Variants in STT3A observed in about 807,000 individuals in gnomAD.
The protein encoded by STT3A is STT3 oligosaccharyltransferase complex catalytic subunit A, also known as dolichyl-diphosphooligosaccharide--protein glycosyltransferase subunit STT3A.
In STT3A, 34 loss-of-function variants were observed where a neutral mutation model predicts 89.2. The observed-to-expected ratio is 0.38, with a 90% confidence interval of 0.29 to 0.51. The LOEUF (loss-of-function observed/expected upper bound fraction) is 0.51, where lower values mean the gene tolerates loss of function less well. Ranked by LOEUF, STT3A falls within the 20% of genes least tolerant of loss-of-function variation. The pLI is 0.89. For missense variants in STT3A, 555 were observed against 889.5 expected, an observed-to-expected ratio of 0.62 and a Z score of 4.78; for synonymous variants, 282 against 310.3, an observed-to-expected ratio of 0.91 and a Z score of 0.96.
At position 125,602,918 on chromosome 11, in the gene STT3A, C is replaced by T. The variant is rs758111535; in HGVS notation, c.387C>T (p.Ile129=). 26 of 1,614,132 alleles carry T rather than the reference C, an allele frequency of 1.6e-5. No homozygotes were observed. Among genetic ancestry groups the T allele is most frequent in the African/African-American group, 6.7e-5 (5 of 75,026 alleles). The change falls in exon 5 of 18, where the codon ATC becomes ATT. Residue 129 remains isoleucine (I), a synonymous_variant. Coordinates refer to ENST00000392708, the MANE Select transcript of STT3A (RefSeq NM_152713.5). ...LAPLFSSFTT[I]VTYHLTKELK... ...CTCTCTTCTCCTCCTTCACCACCAT[C>T]GTCACGTACCACCTTACCAAAGAGC...
chr11:125,612,907 T>TAG (rs1940069546), intron 12 of STT3A, 82 bp from the exon 13 acceptor site: 13 of 1,542,904 alleles, frequency 8.4e-6, no homozygotes, highest in Non-Finnish European at 1.1e-5. Flanking sequence ...ATCTCATCTA[T>TAG]ATGAATGTGT....
chr11:125,614,350 C>G lies in STT3A; in HGVS notation c.1698C>G (p.Ala566=). Residue 566 remains alanine, a synonymous_variant, in exon 15 of 18, where the codon GCC becomes GCG. Coordinates refer to ENST00000392708, the MANE Select transcript of STT3A (RefSeq NM_152713.5). The surrounding 1 kb of genome is among the most constrained non-coding windows in gnomAD (Gnocchi z 4.9). ...CAATGGCGTCCACAGAGGAAAAAGC[C>G]TATGAGATCATGAGGGAGCTCGATG... The part of the protein sequence containing the change: ...GQAMASTEEK[A]YEIMRELDVS... The G allele has an allele frequency of 6.2e-7, 1 of 1,614,074 alleles. No homozygotes were observed. Among genetic ancestry groups the G allele is most frequent in the Non-Finnish European group, 8.5e-7 (1 of 1,180,012 alleles).
intron 1 of STT3A, chr11:125,595,164 CT>C (rs397940239): frequency 2.2e-3 from 308 of 139,732 alleles, no homozygotes; most frequent in East Asian, 3.7e-3. Flanking sequence ...TTCACTTCTT[CT>C]TTTTTTTTTT....
Position 125,618,444 on chromosome 11 carries a change from G to A in STT3A, c.1846G>A (p.Asp616Asn), listed in dbSNP as rs1005224861. ...TDTGKHIKENDYYTPTGEFRV... is the reference protein window; with the variant it reads ...TDTGKHIKENNYYTPTGEFRV... ...TACAGGCAAACATATCAAGGAGAAT[G>A]ACTATTATACTCCAACTGGGGAGTT... Residue 616 changes from aspartate to asparagine, a missense_variant, in exon 16 of 18, where the codon GAC becomes AAC. Physicochemically the swap from Asp to Asn is conservative, Grantham distance 23. Around this residue, in one of 5 missense-constraint regions of STT3A, gnomAD observed 273 missense variants for 449.8 expected, o/e 0.61. Transcript: ENST00000392708. 1.9e-6 allele frequency: 3 copies of A among 1,613,736 alleles called. No homozygotes were observed. The Admixed American group carries it at 5.0e-5, about 27-fold the overall frequency.
intron 3 of STT3A, among the ~76,000 whole-genome samples, chr11:125,597,948 T>C (rs924119870): frequency 9.9e-5 from 15 of 152,198 alleles, no homozygotes; most frequent in African/African-American, 3.6e-4. Flanking sequence ...GCACGGTGGC[T>C]CACGCCTGTA....
chr11:125,607,196 A>AT (rs1939865565), intron 8 of STT3A, among the ~76,000 whole-genome samples: 1 of 152,156 alleles, frequency 6.6e-6, no homozygotes, highest in Non-Finnish European at 1.5e-5. Context: ...GTGCTAGATG[A>AT]TTTTGCCCAA....
In STT3A at chr11:125,613,782, A is replaced by G; in HGVS notation, c.1555-305A>G. On this transcript the variant is annotated intron_variant, in intron 13 of 17. Coordinates refer to ENST00000392708, the MANE Select transcript of STT3A (RefSeq NM_152713.5). The surrounding 1 kb of genome is among the most constrained non-coding windows in gnomAD (Gnocchi z 4.2). Reference sequence around the variant, plus strand: ...TTTAAGAAAATTGTCTAATGACACTAGGCTATTGATGTGGCTACATTGCAC... The same window carrying G: ...TTTAAGAAAATTGTCTAATGACACTGGGCTATTGATGTGGCTACATTGCAC... 3.9e-6 allele frequency: 1 copy of G among 257,698 alleles called. No homozygotes were observed. The highest frequency in any genetic ancestry group is 7.4e-6 in the Non-Finnish European group (1 of 134,686). 16.0% of individuals were successfully genotyped at this position (257,698 alleles called of 1,614,324 possible).
intron 15 of STT3A, among the ~76,000 whole-genome samples, chr11:125,616,521 C>T (rs1256359504): frequency 1.3e-5 from 2 of 152,084 alleles, no homozygotes; most frequent in South Asian, 2.1e-4. Context: ...ATTTATTTTT[C>T]AAGGTCAAAT....
At chr11:125,602,018 C>T (rs1939697148) in intron 3 of STT3A, among the ~76,000 whole-genome samples, 1 of 152,050 alleles carries the variant, frequency 6.6e-6, no homozygotes. Context: ...AGGCCAGTCT[C>T]GAACTCCTGA....
chr11:125,613,128 T>C lies in STT3A; in HGVS notation c.1505T>C (p.Phe502Ser). The change falls in exon 13 of 18, where the codon TTT becomes TCT. Residue 502 changes from phenylalanine to serine, a missense_variant. By Grantham distance (155) the Phe-to-Ser change is radical. Around this residue, in one of 5 missense-constraint regions of STT3A, gnomAD observed 273 missense variants for 449.8 expected, o/e 0.61. Coordinates refer to ENST00000392708, the MANE Select transcript of STT3A (RefSeq NM_152713.5). This position sits in a 1 kb window ranked among gnomAD's most constrained non-coding sequence, Gnocchi z 4.2. ...ARGGDGSRII[F>S]DDFREAYYWL... ...GGTGGGGATGGCAGTAGGATCATAT[T>C]TGATGACTTCCGAGAAGCATATTAT... The C allele has an allele frequency of 3.7e-6, 6 of 1,614,192 alleles. No homozygotes were observed. Among genetic ancestry groups the C allele is most frequent in the East Asian group, 2.2e-5 (1 of 44,876 alleles).
chr11:125,600,057 TA>T (rs1939625384), intron 3 of STT3A, among the ~76,000 whole-genome samples: 1 of 149,326 alleles, frequency 6.7e-6, no homozygotes, highest in Non-Finnish European at 1.5e-5. Flanking sequence ...TTATTATTAT[TA>T]ATTTTTTTTG....
intron 8 of STT3A, among the ~76,000 whole-genome samples, 196 bp from the exon 9 acceptor site, chr11:125,607,912 TG>T (rs1027445222): frequency 2.0e-5 from 3 of 152,214 alleles, no homozygotes; most frequent in African/African-American, 7.2e-5. Flanking sequence ...GTGTATCTTA[TG>T]CTTTAGGGGG....
Position 125,614,525 on chromosome 11 carries a change from A to C in STT3A, c.1774+99A>C, listed in dbSNP as rs895340174. ...GTACTTTTACTAATATTTTACTAAG[A>C]TATTTTTCTTTCATGGGAAGTTCCT... On this transcript the variant is annotated intron_variant, in intron 15 of 17. Transcript: ENST00000392708. The surrounding 1 kb of genome is among the most constrained non-coding windows in gnomAD (Gnocchi z 4.9). 8.2e-7 allele frequency: 1 copy of C among 1,220,900 alleles called. No individual in the cohort carries two copies. Among genetic ancestry groups the C allele is most frequent in the African/African-American group, 1.5e-5 (1 of 65,146 alleles). The allele number at this position is 1,220,900 out of a possible 1,614,324, so 75.6% of individuals were successfully genotyped here.
chr11:125,607,208 T>G (rs1201333912), intron 8 of STT3A, among the ~76,000 whole-genome samples: 1 of 152,250 alleles, frequency 6.6e-6, no homozygotes, highest in Non-Finnish European at 1.5e-5. Flanking sequence ...TTTGCCCAAC[T>G]GTAGGCTAAT....
intron 8 of STT3A, 94 bp downstream of exon 8, chr11:125,606,559 G>T: frequency 7.3e-7 from 1 of 1,367,048 alleles, no homozygotes; most frequent in South Asian, 1.5e-5. Flanking sequence ...AGAAGAGTAC[G>T]ACTTATTCAC....
At chr11:125,597,573 T>C (rs1255558536) in intron 3 of STT3A, among the ~76,000 whole-genome samples, 1 of 152,184 alleles carries the variant, frequency 6.6e-6, no homozygotes, top group South Asian at 2.1e-4. Context: ...AAGTTTGTGA[T>C]GCAGATTGAA....
chr11:125,608,075 C>A (rs752923948), intron 8 of STT3A, 34 bp from the exon 9 acceptor site: 5 of 1,537,458 alleles, frequency 3.3e-6, no homozygotes, highest in Non-Finnish European at 4.4e-6. Context: ...ATTTTTTTTC[C>A]TTAGTATTAA....
chr11:125,617,389 A>G (rs1264109267), intron 15 of STT3A, among the ~76,000 whole-genome samples: 1 of 152,214 alleles, frequency 6.6e-6, no homozygotes, highest in African/African-American at 2.4e-5. Context: ...CAGTGCTGGA[A>G]TTCAAACTTA....
At position 125,620,876 on chromosome 11, in the gene STT3A, T is replaced by TG; in HGVS notation, c.*66_*67insG. 2 of 1,416,156 alleles carry TG rather than the reference T, an allele frequency of 1.4e-6. No homozygotes were observed. 87.7% of individuals were successfully genotyped at this position (1,416,156 alleles called of 1,614,324 possible). A position where few individuals can be genotyped will look rare whatever the true frequency, so the allele number is the denominator to read the frequency against. ...CACATTTAGGACGTTGAAGATTTTTTTTTTTTTTTTTTTTTAATATGCAGT... is the reference window on the plus strand; with the variant it reads ...CACATTTAGGACGTTGAAGATTTTTTGTTTTTTTTTTTTTTTAATATGCAGT... On this transcript the variant is annotated 3_prime_UTR_variant, in exon 18 of 18. Transcript: ENST00000392708.
Sources: allele counts gnomAD v4.1 joint callset (sites outside exome capture counted in the v4.1 genomes callset), GRCh38; gene constraint gnomAD v4.1.1; regional missense constraint gnomAD v4.1.1; non-coding constraint Gnocchi (gnomAD v3.1); transcripts MANE v1.5; gene names NCBI Gene and HGNC (gene_info 2026-07-23, HGNC 2026-07-21).